Variants in CCDC171 observed in about 807,000 individuals in gnomAD.
CCDC171 encodes the protein coiled-coil domain-containing protein 171.
Under a neutral mutation model 168.2 loss-of-function variants are expected in CCDC171, and 177 were observed. The ratio of observed to expected loss-of-function variants is 1.05; its 90% CI spans 0.93 to 1.19. The LOEUF (loss-of-function observed/expected upper bound fraction) is 1.19. Among genes scored for constraint, CCDC171 ranks in the 50% most tolerant of loss-of-function variants. The probability of loss-of-function intolerance (pLI) is 0.00; values close to 1 mark genes in which losing one functional copy is unlikely to be tolerated. For missense variants in CCDC171, 1,991 were observed against 1,539.0 expected (o/e 1.29, Z -4.91); for synonymous variants, 687 against 540.8 (o/e 1.27, Z -3.75).
At chr9:16,097,484 G>C in the CCDC171 span, among the ~76,000 whole-genome samples, 1 of 152,194 alleles carries the variant, frequency 6.6e-6, no homozygotes, top group Non-Finnish European at 1.5e-5. Context: ...CATTTTATTA[G>C]GTGAGGAAGT....
intron 23 of CCDC171, among the ~76,000 whole-genome samples, chr9:15,872,672 T>C (rs1817312214): frequency 6.6e-6 from 1 of 152,036 alleles, no homozygotes; most frequent in Non-Finnish European, 1.5e-5. Flanking sequence ...TCTTTGATTC[T>C]GGGTGAGTTT....
intron 25 of CCDC171, among the ~76,000 whole-genome samples, chr9:15,925,778 C>T (rs1409635360): frequency 6.6e-6 from 1 of 151,476 alleles, no homozygotes; most frequent in Non-Finnish European, 1.5e-5. Context: ...TGTTAATATC[C>T]ACTGACATAG....
At chr9:16,032,818 C>G (rs1004043393) in intron 6 of CCDC171, among the ~76,000 whole-genome samples, 1 of 152,116 alleles carries the variant, frequency 6.6e-6, no homozygotes, top group Non-Finnish European at 1.5e-5. Flanking sequence ...GGATTAGCTC[C>G]TAGAACCTGA....
At chr9:15,769,719 GC>G in intron 18 of CCDC171, among the ~76,000 whole-genome samples, 1 of 152,274 alleles carries the variant, frequency 6.6e-6, no homozygotes, top group South Asian at 2.1e-4. Context: ...AGTGCAGCCG[GC>G]CAAGTGAAAG....
At chr9:15,896,147 C>G (rs912963698) in intron 24 of CCDC171, among the ~76,000 whole-genome samples, 2 of 151,994 alleles carry the variant, frequency 1.3e-5, no homozygotes, top group South Asian at 2.1e-4. Flanking sequence ...CACCATCAAT[C>G]TAGAAGCTGC....
At chr9:15,815,522 C>T (rs2059535153) in intron 21 of CCDC171, among the ~76,000 whole-genome samples, 1 of 112,010 alleles carries the variant, frequency 8.9e-6, no homozygotes. Flanking sequence ...TTATTTACCT[C>T]CTTCTTATTT....
At chr9:15,960,286 A>AGG (rs1247272656) in intron 25 of CCDC171, among the ~76,000 whole-genome samples, 1 of 152,180 alleles carries the variant, frequency 6.6e-6, no homozygotes, top group Non-Finnish European at 1.5e-5. Flanking sequence ...TCCCCAAAAC[A>AGG]GGGAATTTTT....
chr9:15,756,336 T>C (rs1470202947), intron 18 of CCDC171, among the ~76,000 whole-genome samples: 1 of 152,232 alleles, frequency 6.6e-6, no homozygotes, highest in Non-Finnish European at 1.5e-5. Context: ...AAAATATTTT[T>C]CTATCAGCTC....
chr9:15,967,044 A>AT (rs1196208106), intron 25 of CCDC171, among the ~76,000 whole-genome samples: 1 of 152,168 alleles, frequency 6.6e-6, no homozygotes, highest in Non-Finnish European at 1.5e-5. Context: ...AAACTATGTG[A>AT]TTTTTGCCAA....
In CCDC171 at chr9:15,567,203, G is replaced by A. The variant is rs192889623; in HGVS notation, c.41+3074G>A. Among the ~76,000 whole-genome samples the A allele has an allele frequency of 1.3e-4, 20 of 152,046 alleles. No individual in the cohort carries two copies. In the East Asian group the frequency reaches 3.5e-3, roughly 27 times the overall value. On this transcript the variant is annotated intron_variant, in intron 2 of 25. Coordinates refer to ENST00000380701, the MANE Select transcript of CCDC171 (RefSeq NM_173550.4). ...TGCCCAGCTAATTTTTGTATTTTTA[G>A]TAGAGACGGGGTTTCACAATCTTGG... is the stretch of plus-strand genomic sequence containing the variant.
chr9:15,647,174 G>A (rs906719487), intron 7 of CCDC171, among the ~76,000 whole-genome samples: 3 of 152,058 alleles, frequency 2.0e-5, no homozygotes, highest in East Asian at 3.8e-4. Flanking sequence ...CAAAATGAAG[G>A]CAGAAATAAA....
At chr9:15,620,086 C>G in intron 6 of CCDC171, among the ~76,000 whole-genome samples, 1 of 152,290 alleles carries the variant, frequency 6.6e-6, no homozygotes, top group Middle Eastern at 3.4e-3. Flanking sequence ...TACTGAAGAG[C>G]GCTGATGGTT....
the CCDC171 span, among the ~76,000 whole-genome samples, chr9:16,084,558 A>G: frequency 3.9e-5 from 6 of 152,200 alleles, no homozygotes; most frequent in Non-Finnish European, 8.8e-5. Context: ...AAAGTGGCCA[A>G]TTAGAGAGCT....
At chr9:15,586,390 CAG>C (rs2041561670) in intron 4 of CCDC171, among the ~76,000 whole-genome samples, 2 of 152,160 alleles carry the variant, frequency 1.3e-5, no homozygotes, top group South Asian at 4.1e-4. Flanking sequence ...ATGGAGAGAA[CAG>C]GGGGTGTGAC....
chr9:15,877,720 C>G (rs1282176282), intron 24 of CCDC171, among the ~76,000 whole-genome samples: 1 of 151,972 alleles, frequency 6.6e-6, no homozygotes, highest in African/African-American at 2.4e-5. Flanking sequence ...AATGAAAAGT[C>G]CAGTGTAGTG....
chr9:15,746,211 A>G (rs2055266479), intron 18 of CCDC171, among the ~76,000 whole-genome samples: 1 of 152,318 alleles, frequency 6.6e-6, no homozygotes, highest in Non-Finnish European at 1.5e-5. Context: ...ATGAAAACTA[A>G]TTGGACTAAT....
At chr9:15,811,796 A>G (rs2135969864) in intron 21 of CCDC171, among the ~76,000 whole-genome samples, 1 of 152,314 alleles carries the variant, frequency 6.6e-6, no homozygotes, top group East Asian at 1.9e-4. Context: ...TATAGGTAAA[A>G]TTCATGAGTG....
At position 15,623,510 on chromosome 9, in the gene CCDC171, A is replaced by ACAC; in HGVS notation, c.822+97_822+98insCAC. On this transcript the variant is annotated intron_variant, in intron 7 of 25. Transcript: ENST00000380701. ...ACACACACACACACACACACACATA[A>ACAC]AACCCATTCCGTGATTTAAGATTGG... is the stretch of plus-strand genomic sequence containing the variant. The ACAC allele has an allele frequency of 3.5e-5, 10 of 287,052 alleles. No individual in the cohort carries two copies. The Admixed American group carries it at 4.9e-4, about 14-fold the overall frequency. The allele number at this position is 287,052 out of a possible 1,614,324, so 17.8% of individuals were successfully genotyped here. A position where few individuals can be genotyped will look rare whatever the true frequency, so the allele number is the denominator to read the frequency against.
chr9:15,998,150 G>T (rs1832428867), intron 3 of CCDC171, among the ~76,000 whole-genome samples: 1 of 152,136 alleles, frequency 6.6e-6, no homozygotes, highest in African/African-American at 2.4e-5. Flanking sequence ...GATGACAAAT[G>T]GAGCCACCCC....
Sources: allele counts gnomAD v4.1 joint callset (sites outside exome capture counted in the v4.1 genomes callset), GRCh38; gene constraint gnomAD v4.1.1; transcripts MANE v1.5; gene names NCBI Gene and HGNC (gene_info 2026-07-23, HGNC 2026-07-21).